Variants in CDKAL1 observed in about 807,000 individuals in gnomAD.
The protein encoded by CDKAL1 is CDKAL1 threonylcarbamoyladenosine tRNA methylthiotransferase, also known as threonylcarbamoyladenosine tRNA methylthiotransferase.
A neutral mutation model predicts 68.2 loss-of-function variants in CDKAL1; 32 were observed. The ratio of observed to expected loss-of-function variants is 0.47; its 90% CI spans 0.35 to 0.63. The LOEUF is 0.63. CDKAL1 is among the 30% of genes least tolerant of loss of function. The pLI is 0.00. For missense variants in CDKAL1, 606 were observed against 696.7 expected (o/e 0.87, Z 1.47); for synonymous variants, 234 against 244.3 (o/e 0.96, Z 0.39).
At chr6:21,091,781 A>G (rs2150970030) in intron 12 of CDKAL1, among the ~76,000 whole-genome samples, 1 of 151,452 alleles carries the variant, frequency 6.6e-6, no homozygotes, top group East Asian at 1.9e-4. Context: ...CAGAGGTTCC[A>G]TAATTAAACA....
chr6:20,864,647 A>G, intron 9 of CDKAL1, among the ~76,000 whole-genome samples: 1 of 152,212 alleles, frequency 6.6e-6, no homozygotes, highest in East Asian at 1.9e-4. Flanking sequence ...TGGCTTGTTC[A>G]GAATAAATAA....
chr6:20,776,587 G>T (rs1004571578), intron 7 of CDKAL1, among the ~76,000 whole-genome samples: 2 of 152,150 alleles, frequency 1.3e-5, no homozygotes, highest in Non-Finnish European at 2.9e-5. Context: ...AGAGCTGTAC[G>T]AATTATGTAT....
In CDKAL1 at chr6:20,827,667, G is replaced by A. The variant is rs545726673; in HGVS notation, c.639-18408G>A. Among the ~76,000 whole-genome samples the A allele has an allele frequency of 6.4e-4, 98 of 152,174 alleles. No individual in the cohort carries two copies. The Middle Eastern group carries it at 0.014, about 21-fold the overall frequency. On this transcript the variant is annotated intron_variant, in intron 8 of 15. Coordinates refer to ENST00000274695, the MANE Select transcript of CDKAL1 (RefSeq NM_017774.3). Reference sequence around the variant, plus strand: ...AAGTTATGTGGTTCTGCCTTTTTTAGCATTCTGGCCTTCTGTGTTCGTTTA... The same window carrying A: ...AAGTTATGTGGTTCTGCCTTTTTTAACATTCTGGCCTTCTGTGTTCGTTTA...
chr6:21,022,672 G>A (rs533968726), intron 11 of CDKAL1, among the ~76,000 whole-genome samples: 26 of 152,116 alleles, frequency 1.7e-4, no homozygotes, highest in Admixed American at 7.2e-4. Context: ...CAGACTCCAC[G>A]GCCTGGCTGG....
intron 9 of CDKAL1, among the ~76,000 whole-genome samples, chr6:20,871,104 T>A (rs968134404): frequency 3.3e-5 from 5 of 152,176 alleles, no homozygotes; most frequent in African/African-American, 1.2e-4. Context: ...TTGAGTGGCA[T>A]TAACCAATTA....
At chr6:21,035,527 G>A (rs1769527954) in intron 11 of CDKAL1, among the ~76,000 whole-genome samples, 1 of 152,102 alleles carries the variant, frequency 6.6e-6, no homozygotes, top group Non-Finnish European at 1.5e-5. Flanking sequence ...AAGCTTGTGT[G>A]TGTATATGTG....
chr6:20,727,607 G>A (rs1010225146), intron 5 of CDKAL1, among the ~76,000 whole-genome samples: 1 of 152,212 alleles, frequency 6.6e-6, no homozygotes, highest in Non-Finnish European at 1.5e-5. Flanking sequence ...GTTGTCTTCA[G>A]AGTAGTTCTC....
intron 5 of CDKAL1, among the ~76,000 whole-genome samples, chr6:20,664,113 G>C (rs1769415723): frequency 6.6e-6 from 1 of 152,058 alleles, no homozygotes; most frequent in Admixed American, 6.6e-5. Context: ...TCTCATTCCA[G>C]GATACAACCT....
intron 15 of CDKAL1, among the ~76,000 whole-genome samples, chr6:21,226,154 C>G (rs1278627106): frequency 1.3e-5 from 2 of 152,208 alleles, no homozygotes; most frequent in Non-Finnish European, 2.9e-5. Context: ...CATCTCTTTC[C>G]TTTCCCCAAC....
chr6:20,714,565 T>A (rs535158343), intron 5 of CDKAL1, among the ~76,000 whole-genome samples: 8 of 151,940 alleles, frequency 5.3e-5, no homozygotes, highest in Admixed American at 5.2e-4. Context: ...AAATTTTTTA[T>A]TATTTGTAGA....
At chr6:21,017,119 AT>A (rs1768382949) in intron 11 of CDKAL1, among the ~76,000 whole-genome samples, 1 of 152,144 alleles carries the variant, frequency 6.6e-6, no homozygotes, top group Non-Finnish European at 1.5e-5. Context: ...CTCCTTATAG[AT>A]TATCTCTCCA....
chr6:21,093,022 T>G (rs1309777045), intron 12 of CDKAL1, among the ~76,000 whole-genome samples: 1 of 151,640 alleles, frequency 6.6e-6, no homozygotes, highest in East Asian at 1.9e-4. Flanking sequence ...ATAATAGGAA[T>G]TCCAAAACAG....
chr6:21,125,635 C>T lies in CDKAL1; in HGVS notation c.1299+17172C>T, dbSNP rs539256300. Among the ~76,000 whole-genome samples, 26 of 152,202 alleles carry T rather than the reference C, an allele frequency of 1.7e-4. No homozygotes were observed. In the South Asian group the frequency reaches 2.5e-3, roughly 15 times the overall value. On this transcript the variant is annotated intron_variant, in intron 13 of 15. Transcript: ENST00000274695. ...CGGAGGTTGCTGTGAGCCAAGATTG[C>T]GCCATTGCACTCCAGCCTGGGCAAC...
At chr6:20,992,191 C>CT (rs1342354624) in intron 10 of CDKAL1, among the ~76,000 whole-genome samples, 3 of 135,790 alleles carry the variant, frequency 2.2e-5, no homozygotes, top group South Asian at 4.2e-4. Context: ...CCATAGTCAG[C>CT]TTTTTTATAT....
At chr6:20,874,013 G>A (rs1446095503) in intron 9 of CDKAL1, among the ~76,000 whole-genome samples, 2 of 152,104 alleles carry the variant, frequency 1.3e-5, no homozygotes, top group Non-Finnish European at 2.9e-5. Context: ...GGGAGCTGTG[G>A]GTTTAAAACA....
intron 13 of CDKAL1, among the ~76,000 whole-genome samples, chr6:21,155,548 A>G (rs1460116274): frequency 6.6e-6 from 1 of 152,072 alleles, no homozygotes; most frequent in Non-Finnish European, 1.5e-5. Context: ...CACTTAGTAC[A>G]TTTTCTGTCT....
chr6:21,161,605 G>A (rs1301926735), intron 13 of CDKAL1, among the ~76,000 whole-genome samples: 5 of 152,062 alleles, frequency 3.3e-5, no homozygotes, highest in Admixed American at 2.0e-4. Flanking sequence ...GGTGATCTAC[G>A]TTTCAGATTT....
chr6:21,225,529 CT>C (rs1779708074), intron 15 of CDKAL1, among the ~76,000 whole-genome samples: 1 of 152,144 alleles, frequency 6.6e-6, no homozygotes, highest in African/African-American at 2.4e-5. Context: ...TATTGTGAAC[CT>C]TCTGTATTCC....
intron 10 of CDKAL1, among the ~76,000 whole-genome samples, chr6:20,990,121 T>C (rs956794789): frequency 6.6e-6 from 1 of 152,114 alleles, no homozygotes; most frequent in African/African-American, 2.4e-5. Flanking sequence ...CACGTGCCTG[T>C]AGTCCCAGCT....
Sources: allele counts gnomAD v4.1 joint callset (sites outside exome capture counted in the v4.1 genomes callset), GRCh38; gene constraint gnomAD v4.1.1; transcripts MANE v1.5; gene names NCBI Gene and HGNC (gene_info 2026-07-23, HGNC 2026-07-21).